TNRC6A: variants seen among roughly 807,000 people sequenced by gnomAD.
The protein encoded by TNRC6A is trinucleotide repeat-containing gene 6A protein.
Under a neutral mutation model 221.2 loss-of-function variants are expected in TNRC6A, and 44 were observed. That is an observed-to-expected ratio of 0.20 (90% CI 0.16 to 0.26). The LOEUF is 0.26. Among genes scored for constraint, TNRC6A ranks in the 10% least tolerant of loss-of-function variants. The probability of loss-of-function intolerance (pLI) is 1.00; values close to 1 mark genes in which losing one functional copy is unlikely to be tolerated. For missense variants in TNRC6A, 2,199 were observed against 2,404.4 expected (o/e 0.91, Z 1.79); for synonymous variants, 847 against 838.5 (o/e 1.01, Z -0.18).
At chr16:24,766,876 T>G (rs1459525051) in intron 4 of TNRC6A, among the ~76,000 whole-genome samples, 2 of 152,002 alleles carry the variant, frequency 1.3e-5, no homozygotes, top group Non-Finnish European at 2.9e-5. Flanking sequence ...AGGGTTTCAC[T>G]GTGTTGACCA....
intron 1 of TNRC6A, among the ~76,000 whole-genome samples, chr16:24,625,324 C>T (rs900604286): frequency 6.6e-6 from 1 of 152,192 alleles, no homozygotes; most frequent in East Asian, 1.9e-4. Flanking sequence ...TTTTAAAACC[C>T]CATGCCAGGC....
At chr16:24,761,371 G>C (rs2057359194) in intron 4 of TNRC6A, among the ~76,000 whole-genome samples, 1 of 152,196 alleles carries the variant, frequency 6.6e-6, no homozygotes, top group Non-Finnish European at 1.5e-5. Flanking sequence ...AACAGCAGGA[G>C]AGTGAAGTGC....
intron 18 of TNRC6A, among the ~76,000 whole-genome samples, chr16:24,813,640 C>T (rs1200132078): frequency 1.3e-5 from 2 of 152,198 alleles, no homozygotes; most frequent in South Asian, 4.1e-4. Context: ...ATTGCCATTA[C>T]TGCCTTCATC....
intron 2 of TNRC6A, among the ~76,000 whole-genome samples, chr16:24,673,291 AG>A (rs1434112461): frequency 2.0e-5 from 3 of 152,238 alleles, no homozygotes; most frequent in Non-Finnish European, 4.4e-5. Flanking sequence ...TAGAAAAGTA[AG>A]TAACTTGACC....
intron 1 of TNRC6A, among the ~76,000 whole-genome samples, chr16:24,613,547 A>T (rs1244232235): frequency 2.2e-4 from 33 of 147,036 alleles, no homozygotes; most frequent in Admixed American, 2.2e-3. Flanking sequence ...ATTTATTTAG[A>T]GATAGAGTCT....
intron 1 of TNRC6A, among the ~76,000 whole-genome samples, chr16:24,633,638 C>T (rs1901465549): frequency 6.6e-6 from 1 of 152,162 alleles, no homozygotes; most frequent in South Asian, 2.1e-4. Context: ...CGTGACCCAC[C>T]CACCTCGGCT....
chr16:24,646,506 T>C (rs997756924), intron 2 of TNRC6A, among the ~76,000 whole-genome samples: 22 of 152,202 alleles, frequency 1.4e-4, no homozygotes, highest in African/African-American at 5.3e-4. Flanking sequence ...GCACAAATAT[T>C]TTCAGTATTT....
At chr16:24,784,229 T>C (rs964596700) in intron 5 of TNRC6A, among the ~76,000 whole-genome samples, 1 of 152,208 alleles carries the variant, frequency 6.6e-6, no homozygotes, top group Non-Finnish European at 1.5e-5. Context: ...CCCAGGCTCT[T>C]GACCTCAGTT....
chr16:24,662,149 T>A (rs906525605), intron 2 of TNRC6A: 1 of 152,262 alleles, frequency 6.6e-6, no homozygotes, highest in East Asian at 1.9e-4. Context: ...TATAGAAATT[T>A]ATCTTAAGAT....
At chr16:24,814,401 T>TTTTTTTC (rs1555510314) in intron 18 of TNRC6A, among the ~76,000 whole-genome samples, 5 of 125,610 alleles carry the variant, frequency 4.0e-5, no homozygotes, top group South Asian at 2.3e-4. Flanking sequence ...TTCTTTTCTT[T>TTTTTTTC]TTTTTTTCTT....
intron 2 of TNRC6A, among the ~76,000 whole-genome samples, chr16:24,745,465 G>A (rs945854492): frequency 2.6e-5 from 4 of 152,164 alleles, no homozygotes; most frequent in African/African-American, 9.7e-5. Flanking sequence ...GAAAGTAGGA[G>A]AACAGAATGT....
Position 24,625,743 on chromosome 16 carries a change from A to C in TNRC6A, n.277-15141A>C, listed in dbSNP as rs865970347. ...GCGAGACTCCGTCTCAAAACAAAAA[A>C]AAAAAAAAAAAAAAAAAAATTAGCT... On this transcript the variant is annotated intron_variant and non_coding_transcript_variant, in intron 1 of 2. Coordinates refer to the TNRC6A transcript ENST00000566108. 2.1e-3 allele frequency among the ~76,000 whole-genome samples: 174 copies of C among 81,416 alleles called. 2 individuals are homozygous for C. The highest frequency in any genetic ancestry group is 2.6e-3 in the Non-Finnish European group (98 of 37,520). 53.4% of individuals were successfully genotyped at this position (81,416 alleles called of 152,430 possible).
intron 6 of TNRC6A, among the ~76,000 whole-genome samples, chr16:24,792,613 CTTTTTTTTTT>C (rs34670934): frequency 5.3e-5 from 3 of 56,522 alleles, no homozygotes; most frequent in South Asian, 2.4e-3. Context: ...ACATTTATGG[CTTTTTTTTTT>C]TTTTTTTTTT....
chr16:24,816,715 T>G, intron 19 of TNRC6A, 101 bp from the exon 20 acceptor site: 5 of 1,373,456 alleles, frequency 3.6e-6, no homozygotes, highest in South Asian at 1.4e-5. Context: ...GGAAAGTATT[T>G]GAGAGTTGCA....
At chr16:24,813,456 A>T (rs1353544499) in intron 18 of TNRC6A, among the ~76,000 whole-genome samples, 1 of 152,238 alleles carries the variant, frequency 6.6e-6, no homozygotes, top group African/African-American at 2.4e-5. Context: ...TTTAGTTCAC[A>T]TAGGGTAATG....
rs562493501 is a variant in TNRC6A, at chr16:24,689,589, C to T, written n.402+48580C>T. 2.7e-3 allele frequency among the ~76,000 whole-genome samples: 406 copies of T among 152,164 alleles called. 1 individual carries two copies. Among genetic ancestry groups the T allele is most frequent in the Non-Finnish European group, 4.8e-3 (324 of 67,996 alleles). On this transcript the variant is annotated intron_variant and non_coding_transcript_variant, in intron 2 of 2. Transcript: ENST00000566108. ...TCATTTATCCATTCAGTACATTTTT[C>T]GGAGCTCCTATGTACCAGCACTGGG... is the stretch of plus-strand genomic sequence containing the variant.
chr16:24,648,864 AT>A (rs902389194), intron 2 of TNRC6A, among the ~76,000 whole-genome samples: 1 of 152,002 alleles, frequency 6.6e-6, no homozygotes, highest in African/African-American at 2.4e-5. Flanking sequence ...TTCTCATAAA[AT>A]TTTTTTTCAC....
intron 5 of TNRC6A, among the ~76,000 whole-genome samples, chr16:24,784,118 C>G (rs554263559): frequency 1.3e-5 from 2 of 152,128 alleles, no homozygotes; most frequent in South Asian, 4.1e-4. Context: ...TCTCCTTCCT[C>G]AGGCTCCTGA....
intron 2 of TNRC6A, among the ~76,000 whole-genome samples, chr16:24,645,735 G>A (rs1050543528): frequency 2.7e-5 from 4 of 147,308 alleles, no homozygotes; most frequent in African/African-American, 7.5e-5. Context: ...GGTGGCTCAT[G>A]CCTGTAATCC....
Sources: allele counts gnomAD v4.1 joint callset (sites outside exome capture counted in the v4.1 genomes callset), GRCh38; gene constraint gnomAD v4.1.1; transcripts MANE v1.5; gene names NCBI Gene and HGNC (gene_info 2026-07-23, HGNC 2026-07-21).